Variants in GSTCD observed in about 807,000 individuals in gnomAD.
GSTCD encodes glutathione S-transferase C-terminal domain-containing protein.
In GSTCD, 44 loss-of-function variants were observed where a neutral mutation model predicts 68.3. The observed-to-expected ratio is 0.64, with a 90% CI of 0.51 to 0.83. GSTCD has a LOEUF of 0.83. Ranked by LOEUF, GSTCD falls within the 40% of genes least tolerant of loss-of-function variation. The pLI, the probability that GSTCD is intolerant of heterozygous loss-of-function variation, is 0.00. For missense variants in GSTCD, 739 were observed against 735.9 expected, an observed-to-expected ratio of 1.00 and a Z score of -0.05; for synonymous variants, 273 against 255.2, an observed-to-expected ratio of 1.07 and a Z score of -0.67.
chr4:105,834,541 C>A lies in GSTCD; in HGVS notation c.1611C>A (p.Cys537Ter). Residue 537 changes from cysteine (C) to a stop codon, truncating the protein, a stop_gained, in exon 9 of 12, where the codon TGC becomes TGA. Transcript: ENST00000515279. LOFTEE classifies it high-confidence loss of function. ...AAACACGGGCTTCCTTCGTCACATG[C>A]CCTTGCTGTTATGGTTTCATTCAGA... ...CIKTRASFVTCPCCYGFIQNT... is the reference protein window; with the variant it reads ...CIKTRASFVT The A allele has an allele frequency of 2.5e-6, 4 of 1,614,024 alleles. No individual in the cohort carries two copies. The highest frequency in any genetic ancestry group is 2.2e-5 in the East Asian group (1 of 44,872).
At chr4:105,841,506 C>A (rs2149288645) in intron 10 of GSTCD, among the ~76,000 whole-genome samples, 1 of 152,044 alleles carries the variant, frequency 6.6e-6, no homozygotes, top group Non-Finnish European at 1.5e-5. Context: ...GGCAAAATGA[C>A]CCCGAGGATT....
intron 5 of GSTCD, among the ~76,000 whole-genome samples, chr4:105,747,661 A>G (rs1733850271): frequency 6.6e-6 from 1 of 152,192 alleles, no homozygotes; most frequent in South Asian, 2.1e-4. Flanking sequence ...TTTGCTAACT[A>G]TAAGAATGTC....
At chr4:105,812,737 A>G (rs1052849067) in intron 5 of GSTCD, among the ~76,000 whole-genome samples, 5 of 152,114 alleles carry the variant, frequency 3.3e-5, no homozygotes, top group African/African-American at 1.2e-4. Context: ...CATTTCCTTG[A>G]AAAATATACT....
At chr4:105,740,700 C>T (rs1396379689) in intron 5 of GSTCD, among the ~76,000 whole-genome samples, 2 of 151,994 alleles carry the variant, frequency 1.3e-5, no homozygotes, top group Non-Finnish European at 2.9e-5. Context: ...TTTTTTCATG[C>T]GTCTTTTCAG....
intron 5 of GSTCD, among the ~76,000 whole-genome samples, chr4:105,815,510 C>CA (rs900924393): frequency 3.3e-5 from 5 of 151,872 alleles, no homozygotes; most frequent in Middle Eastern, 3.2e-3. Context: ...AAATATATGA[C>CA]AAAAAAATCA....
intron 5 of GSTCD, among the ~76,000 whole-genome samples, chr4:105,754,488 A>G (rs1734113993): frequency 7.3e-6 from 1 of 136,416 alleles, no homozygotes; most frequent in South Asian, 2.2e-4. Flanking sequence ...ATTTATTTTT[A>G]TGTTGAAATT....
chr4:105,789,839 C>T (rs1445187931), intron 5 of GSTCD, among the ~76,000 whole-genome samples: 1 of 151,576 alleles, frequency 6.6e-6, no homozygotes, highest in African/African-American at 2.4e-5. Flanking sequence ...AATGCCCAGT[C>T]ATACATACAT....
intron 5 of GSTCD, among the ~76,000 whole-genome samples, chr4:105,743,335 T>G (rs879774872): frequency 4.2e-4 from 64 of 152,168 alleles, no homozygotes; most frequent in Middle Eastern, 3.2e-3. Flanking sequence ...TTTTCTTCAA[T>G]AGACTGTGAA....
intron 5 of GSTCD, among the ~76,000 whole-genome samples, chr4:105,745,533 G>T (rs1733771348): frequency 6.6e-6 from 1 of 152,152 alleles, no homozygotes; most frequent in African/African-American, 2.4e-5. Context: ...GTTTGAGCCT[G>T]AGGACTCCTT....
At chr4:105,786,226 A>G (rs755744479) in intron 5 of GSTCD, among the ~76,000 whole-genome samples, 7 of 151,066 alleles carry the variant, frequency 4.6e-5, no homozygotes, top group Non-Finnish European at 5.9e-5. Flanking sequence ...TAAAACTTTT[A>G]AGGCCGGGCA....
chr4:105,709,265 C>G (rs1224644759), intron 1 of GSTCD: 1 of 152,342 alleles, frequency 6.6e-6, no homozygotes, highest in Non-Finnish European at 1.5e-5. Context: ...TCCCCCTAGC[C>G]AGTCCCTCAT....
chr4:105,721,081 C>T (rs1732845674), intron 3 of GSTCD, among the ~76,000 whole-genome samples: 1 of 151,804 alleles, frequency 6.6e-6, no homozygotes, highest in African/African-American at 2.4e-5. Context: ...AAGCAATTCT[C>T]CTGCCTCAGC....
chr4:105,821,870 A>G (rs1470608341), intron 5 of GSTCD, among the ~76,000 whole-genome samples: 1 of 151,878 alleles, frequency 6.6e-6, no homozygotes, highest in Non-Finnish European at 1.5e-5. Flanking sequence ...TTTTTTATAT[A>G]GTTTTTTATT....
chr4:105,761,673 C>T (rs573860927), intron 5 of GSTCD: 4 of 151,960 alleles, frequency 2.6e-5, no homozygotes, highest in African/African-American at 9.7e-5. Flanking sequence ...CTGGCATTTC[C>T]GTGAAGTTGA....
In GSTCD at chr4:105,719,350, G is replaced by T; in HGVS notation, c.717G>T (p.Leu239=). ...GLDSSSKSLE[L]KVAFSKLTVQ... is the part of the protein sequence containing the mutation. ...ATTCTTCATCCAAGAGTCTGGAACT[G>T]AAAGTGGCATTCTCAAAGCTCACAG... The change falls in exon 3 of 12, where the codon CTG becomes CTT. Residue 239 remains leucine (L), a synonymous_variant. Coordinates refer to ENST00000515279, the MANE Select transcript of GSTCD (RefSeq NM_001370181.1). 1 of 1,614,134 alleles carries T rather than the reference G, an allele frequency of 6.2e-7. No individual in the cohort carries two copies. Among genetic ancestry groups the T allele is most frequent in the Non-Finnish European group, 8.5e-7 (1 of 1,179,992 alleles).
At position 105,717,947 on chromosome 4, in the gene GSTCD, A is replaced by G. The variant is rs199886614; in HGVS notation, c.334A>G (p.Ile112Val). 1.9e-6 allele frequency: 3 copies of G among 1,614,104 alleles called. No individual in the cohort carries two copies. Among genetic ancestry groups the G allele is most frequent in the East Asian group, 2.2e-5 (1 of 44,870 alleles). Residue 112 changes from isoleucine to valine, a missense_variant, in exon 2 of 12, where the codon ATA becomes GTA. Coordinates refer to ENST00000515279, the MANE Select transcript of GSTCD (RefSeq NM_001370181.1). Reference protein sequence around the residue: ...RAGLAVVLRHIIQKSYEADPL... With the variant: ...RAGLAVVLRHVIQKSYEADPL... ...AGGACTTGCTGTTGTATTGAGACAC[A>G]TAATCCAGAAATCCTATGAAGCAGA...
chr4:105,731,519 T>G (rs1733239144), intron 5 of GSTCD, among the ~76,000 whole-genome samples: 1 of 151,504 alleles, frequency 6.6e-6, no homozygotes. Flanking sequence ...CACTCATAAT[T>G]TGGCTCTCTG....
At chr4:105,835,132 A>G (rs2149284294) in intron 9 of GSTCD, among the ~76,000 whole-genome samples, 1 of 152,364 alleles carries the variant, frequency 6.6e-6, no homozygotes, top group South Asian at 2.1e-4. Flanking sequence ...AGTATTCAAT[A>G]AATGTGAACT....
intron 2 of GSTCD, 81 bp from the exon 3 acceptor site, chr4:105,718,979 C>A: frequency 1.8e-6 from 2 of 1,095,658 alleles, no homozygotes; most frequent in Non-Finnish European, 2.6e-6. Context: ...AAACTTATTT[C>A]CCAATAAGAC....
Sources: gnomAD v4.1 joint callset for allele counts (sites outside exome capture counted in the v4.1 genomes callset) on GRCh38, gnomAD v4.1.1 for gene constraint, MANE v1.5 for transcripts, NCBI Gene and HGNC (gene_info 2026-07-23, HGNC 2026-07-21) for gene names.